LAMA2: variants seen among roughly 807,000 people sequenced by gnomAD.
The protein encoded by LAMA2 is laminin subunit alpha-2.
LAMA2 carries 269 observed loss-of-function variants against 364.8 expected under a neutral mutation model. The observed-to-expected ratio is 0.74, with a 90% CI of 0.67 to 0.82. LAMA2 has a LOEUF of 0.82. Ranked by LOEUF, LAMA2 falls within the 40% of genes least tolerant of loss-of-function variation. The pLI is 0.00. For missense variants in LAMA2, 3,807 were observed against 3,873.2 expected, an observed-to-expected ratio of 0.98 and a Z score of 0.45; for synonymous variants, 1,379 against 1,370.6, an observed-to-expected ratio of 1.01 and a Z score of -0.14.
intron 4 of LAMA2, among the ~76,000 whole-genome samples, chr6:129,142,373 A>G (rs1036239914): frequency 3.3e-5 from 5 of 151,966 alleles, no homozygotes; most frequent in African/African-American, 1.2e-4. Flanking sequence ...GTAGCCTCAC[A>G]TGGTTGAAAG....
intron 1 of LAMA2, among the ~76,000 whole-genome samples, chr6:128,957,018 G>C (rs1027406011): frequency 6.6e-6 from 1 of 152,046 alleles, no homozygotes; most frequent in Non-Finnish European, 1.5e-5. Context: ...ATAATGTTTC[G>C]AGAGCAGCAG....
intron 29 of LAMA2, among the ~76,000 whole-genome samples, chr6:129,333,111 C>A (rs1441949229): frequency 6.6e-6 from 1 of 151,980 alleles, no homozygotes; most frequent in Non-Finnish European, 1.5e-5. Flanking sequence ...AGGCTGATTT[C>A]AAACTCCTGA....
intron 1 of LAMA2, among the ~76,000 whole-genome samples, chr6:128,938,262 CTGAT>C (rs1312537602): frequency 1.3e-5 from 2 of 152,146 alleles, no homozygotes; most frequent in African/African-American, 2.4e-5. Flanking sequence ...ACCTCCCTGA[CTGAT>C]TGTGAAGATG....
intron 4 of LAMA2, among the ~76,000 whole-genome samples, chr6:129,127,912 G>T (rs949400050): frequency 5.3e-5 from 8 of 151,086 alleles, no homozygotes; most frequent in African/African-American, 1.9e-4. Flanking sequence ...ACTTTTTATT[G>T]AATATATGGC....
At chr6:129,079,274 GTTA>G (rs1489765320) in intron 3 of LAMA2, among the ~76,000 whole-genome samples, 1 of 151,996 alleles carries the variant, frequency 6.6e-6, no homozygotes, top group Non-Finnish European at 1.5e-5. Flanking sequence ...TTTTTTATTA[GTTA>G]TTGTTGTTAA....
intron 3 of LAMA2, among the ~76,000 whole-genome samples, chr6:129,063,294 G>A (rs1164148005): frequency 2.6e-5 from 4 of 151,916 alleles, no homozygotes; most frequent in African/African-American, 7.3e-5. Context: ...ATATAATTGC[G>A]AACAAAAATA....
chr6:129,062,975 G>A (rs1033726660), intron 3 of LAMA2, among the ~76,000 whole-genome samples: 3 of 129,902 alleles, frequency 2.3e-5, no homozygotes, highest in Non-Finnish European at 4.8e-5. Context: ...ATAGCAATTT[G>A]TTTGGAAGAA....
Position 129,445,737 on chromosome 6 carries a change from C to T in LAMA2, c.6345C>T (p.Pro2115=), listed in dbSNP as rs200364660. 2.0e-5 allele frequency: 33 copies of T among 1,613,592 alleles called. No homozygotes were observed. In the African/African-American group the frequency reaches 3.2e-4, roughly 16 times the overall value. ...EADRLIDKLK[P]IKELEDNLKK... ...ACCGGCTAATAGATAAACTCAAACC[C>T]ATCAAGGAACTTGAGGATAACCTAA... is the stretch of plus-strand genomic sequence containing the variant. The change falls in exon 45 of 65, where the codon CCC becomes CCT. Residue 2115 remains proline (P), a synonymous_variant. Transcript: ENST00000421865.
chr6:129,335,245 A>G (rs1420054648), intron 29 of LAMA2, among the ~76,000 whole-genome samples: 1 of 152,154 alleles, frequency 6.6e-6, no homozygotes, highest in Non-Finnish European at 1.5e-5. Flanking sequence ...ATTGCTCCTT[A>G]AGAAAAAAAA....
At chr6:129,361,553 C>T (rs546262553) in intron 32 of LAMA2, among the ~76,000 whole-genome samples, 17 of 152,334 alleles carry the variant, frequency 1.1e-4, no homozygotes, top group Non-Finnish European at 2.5e-4. Flanking sequence ...GGGGCCTCAA[C>T]TGCCCTTTCC....
At chr6:129,443,218 G>A (rs1782206363) in intron 44 of LAMA2, 150 bp downstream of exon 44, 2 of 556,140 alleles carry the variant, frequency 3.6e-6, no homozygotes, top group South Asian at 2.9e-5. Flanking sequence ...AATGGTAGAT[G>A]CGTAAAAGGA....
In LAMA2 at chr6:129,252,173, A is replaced by G; in HGVS notation, c.1974A>G (p.Glu658=). 6.2e-7 allele frequency: 1 copy of G among 1,613,476 alleles called. No individual in the cohort carries two copies. The highest frequency in any genetic ancestry group is 8.5e-7 in the Non-Finnish European group (1 of 1,179,430). Residue 658 remains glutamate (E), a synonymous_variant, in exon 14 of 65, where the codon GAA becomes GAG. Coordinates refer to ENST00000421865, the MANE Select transcript of LAMA2 (RefSeq NM_000426.4). ...CTAATGTATTGTTACTTAAAGAAGA[A>G]TCATTTACCATACATGGCACACATT... ...EHTNVLLLKE[E]SFTIHGTHFP...
chr6:128,922,234 G>T (rs1178912103), intron 1 of LAMA2, among the ~76,000 whole-genome samples: 2 of 150,982 alleles, frequency 1.3e-5, no homozygotes, highest in Non-Finnish European at 3.0e-5. Context: ...GTAATGGGAT[G>T]GCTGGGTCAA....
chr6:129,154,243 T>C (rs1055100706), intron 7 of LAMA2, among the ~76,000 whole-genome samples: 4 of 152,074 alleles, frequency 2.6e-5, no homozygotes, highest in African/African-American at 9.7e-5. Context: ...AAGCCCCATC[T>C]CTACTAAAAA....
intron 32 of LAMA2, among the ~76,000 whole-genome samples, chr6:129,360,561 T>TAG (rs1777403136): frequency 6.6e-6 from 1 of 152,178 alleles, no homozygotes; most frequent in Non-Finnish European, 1.5e-5. Flanking sequence ...TGTTAGTATA[T>TAG]TGCTTGGAGC....
At chr6:129,024,551 T>A (rs778347088) in intron 1 of LAMA2, among the ~76,000 whole-genome samples, 2 of 151,872 alleles carry the variant, frequency 1.3e-5, no homozygotes, top group Admixed American at 6.6e-5. Flanking sequence ...GCCAGCTAAT[T>A]TTTATTTTAT....
At position 129,484,955 on chromosome 6, in the gene LAMA2, G is replaced by A. The variant is rs186367860; in HGVS notation, c.7750-1519G>A. 3.0e-4 allele frequency among the ~76,000 whole-genome samples: 45 copies of A among 152,274 alleles called. 1 individual carries two copies. Among genetic ancestry groups the A allele is most frequent in the Admixed American group, 2.8e-3 (43 of 15,292 alleles). Reference sequence around the variant, plus strand: ...ACATGTATATCACTCATATTGTGAAGAATATATCAAATAGTCGTAATAAAA... The same window carrying A: ...ACATGTATATCACTCATATTGTGAAAAATATATCAAATAGTCGTAATAAAA... On this transcript the variant is annotated intron_variant, in intron 55 of 64. Transcript: ENST00000421865.
intron 27 of LAMA2, among the ~76,000 whole-genome samples, chr6:129,318,161 C>G (rs185155355): frequency 6.6e-6 from 1 of 152,140 alleles, no homozygotes; most frequent in Admixed American, 6.6e-5. Context: ...ATTAAAATAA[C>G]CTTGTATCTT....
chr6:129,425,454 T>C (rs1197693542), intron 40 of LAMA2, among the ~76,000 whole-genome samples: 1 of 152,036 alleles, frequency 6.6e-6, no homozygotes, highest in Non-Finnish European at 1.5e-5. Flanking sequence ...GTATTTTAGG[T>C]TCAAAGGTAC....
Sources: gnomAD v4.1 joint callset for allele counts (sites outside exome capture counted in the v4.1 genomes callset) on GRCh38, gnomAD v4.1.1 for gene constraint, MANE v1.5 for transcripts, NCBI Gene and HGNC (gene_info 2026-07-23, HGNC 2026-07-21) for gene names.